The following PAN3 variants were observed in gnomAD, a reference collection of about 807,000 sequenced individuals.
The protein encoded by PAN3 is PAN2-PAN3 deadenylation complex subunit PAN3.
In PAN3, 19 loss-of-function variants were observed where a neutral mutation model predicts 96.2. The ratio of observed to expected loss-of-function variants is 0.20; its 90% CI spans 0.14 to 0.29. The LOEUF is 0.29. PAN3 is among the 10% of genes least tolerant of loss of function. PAN3 has a pLI of 1.00. For synonymous variants in PAN3, 433 were observed against 406.6 expected (o/e 1.06, Z -0.78); for missense variants, 882 against 1,108.1 (o/e 0.80, Z 2.90).
intron 3 of PAN3, among the ~76,000 whole-genome samples, chr13:28,177,478 C>G (rs543111786): frequency 3.4e-4 from 51 of 152,158 alleles, no homozygotes; most frequent in Non-Finnish European, 6.2e-4. Flanking sequence ...ATGGTTGACA[C>G]TGCCCCCACC....
intron 6 of PAN3, among the ~76,000 whole-genome samples, chr13:28,232,305 A>T (rs1882654337): frequency 6.6e-6 from 1 of 152,188 alleles, no homozygotes; most frequent in Admixed American, 6.5e-5. Context: ...ATAGTCTTTG[A>T]ATCCAAGGTT....
At chr13:28,144,391 A>G (rs1870312518) in intron 1 of PAN3, among the ~76,000 whole-genome samples, 1 of 150,944 alleles carries the variant, frequency 6.6e-6, no homozygotes, top group Non-Finnish European at 1.5e-5. Context: ...ATTTTTTTGT[A>G]TTTTTAGTAG....
At chr13:28,174,007 G>C (rs1199633865) in intron 1 of PAN3, among the ~76,000 whole-genome samples, 1 of 152,208 alleles carries the variant, frequency 6.6e-6, no homozygotes, top group Non-Finnish European at 1.5e-5. Flanking sequence ...GCAAGTGGTA[G>C]AAACTTAATC....
chr13:28,253,788 A>G (rs1884930917), intron 6 of PAN3, among the ~76,000 whole-genome samples: 1 of 152,058 alleles, frequency 6.6e-6, no homozygotes, highest in Non-Finnish European at 1.5e-5. Context: ...ATTTGAATGT[A>G]TTTAAGTAAC....
At chr13:28,157,598 T>C (rs1286858531) in intron 1 of PAN3, among the ~76,000 whole-genome samples, 1 of 152,094 alleles carries the variant, frequency 6.6e-6, no homozygotes, top group East Asian at 1.9e-4. Context: ...AAGAATGCAA[T>C]CCTATTCACA....
intron 5 of PAN3, among the ~76,000 whole-genome samples, chr13:28,198,307 C>G (rs1373121603): frequency 1.3e-5 from 2 of 151,254 alleles, no homozygotes; most frequent in Non-Finnish European, 2.9e-5. Flanking sequence ...AAAAAAGAGT[C>G]GTATAAAATT....
At chr13:28,253,647 C>G (rs1480201834) in intron 6 of PAN3, among the ~76,000 whole-genome samples, 2 of 149,876 alleles carry the variant, frequency 1.3e-5, no homozygotes, top group Non-Finnish European at 3.0e-5. Flanking sequence ...GTTACCCAGA[C>G]TGGAGCACAG....
chr13:28,219,637 A>G (rs563797217), intron 5 of PAN3, among the ~76,000 whole-genome samples: 3 of 152,362 alleles, frequency 2.0e-5, no homozygotes, highest in South Asian at 2.1e-4. Flanking sequence ...CTCATAGCCA[A>G]ATATTTTTCA....
chr13:28,266,356 G>A (rs1299864190), intron 9 of PAN3, among the ~76,000 whole-genome samples: 1 of 152,012 alleles, frequency 6.6e-6, no homozygotes, highest in Non-Finnish European at 1.5e-5. Context: ...AAAAATACAT[G>A]TTTTTTTATT....
chr13:28,238,069 A>C (rs187531246), intron 6 of PAN3, among the ~76,000 whole-genome samples: 69 of 152,360 alleles, frequency 4.5e-4, no homozygotes, highest in African/African-American at 1.7e-3. Context: ...AGGCATTTAC[A>C]AAACCCCGAG....
At chr13:28,140,999 G>T (rs1869698174) in intron 1 of PAN3, among the ~76,000 whole-genome samples, 2 of 117,486 alleles carry the variant, frequency 1.7e-5, no homozygotes, top group East Asian at 2.8e-4. Context: ...GACAGAAAGA[G>T]ACACTTTTTT....
chr13:28,191,305 C>G (rs1173704826), intron 4 of PAN3, among the ~76,000 whole-genome samples: 5 of 152,318 alleles, frequency 3.3e-5, no homozygotes, highest in Non-Finnish European at 5.9e-5. Flanking sequence ...GATGTTGCCA[C>G]AAGTAAGCTT....
Position 28,143,885 on chromosome 13 carries a change from C to T in PAN3, c.430+4798C>T, listed in dbSNP as rs368680860. ...ATGTAATGTGTAGCGTGTGGCAAAG[C>T]TGTTTTTGTTTAAGCCAAGACTAGC... On this transcript the variant is annotated intron_variant, in intron 1 of 18. Coordinates refer to ENST00000380958, the MANE Select transcript of PAN3 (RefSeq NM_175854.8). 3.3e-5 allele frequency among the ~76,000 whole-genome samples: 5 copies of T among 152,268 alleles called. No individual in the cohort carries two copies. In the East Asian group the frequency reaches 9.6e-4, roughly 29 times the overall value.
At chr13:28,254,900 T>C (rs1284162945) in intron 6 of PAN3, among the ~76,000 whole-genome samples, 1 of 152,140 alleles carries the variant, frequency 6.6e-6, no homozygotes, top group African/African-American at 2.4e-5. Context: ...TGTCCTGTGG[T>C]GTTTATAGCC....
At chr13:28,235,696 T>TACACAC (rs34812975) in intron 6 of PAN3, among the ~76,000 whole-genome samples, 10,446 of 140,568 alleles carry the variant, frequency 0.074, 583 homozygotes, top group African/African-American at 0.15. Context: ...CACACACACA[T>TACACAC]ACACACACAC....
At chr13:28,165,379 C>G (rs1873408346) in intron 1 of PAN3, among the ~76,000 whole-genome samples, 2 of 149,880 alleles carry the variant, frequency 1.3e-5, no homozygotes, top group Non-Finnish European at 3.0e-5. Context: ...CCTTAGCCTC[C>G]CCCAAAGTGC....
intron 5 of PAN3, among the ~76,000 whole-genome samples, chr13:28,208,229 C>CTGT (rs2138304579): frequency 6.6e-6 from 1 of 152,190 alleles, no homozygotes; most frequent in Non-Finnish European, 1.5e-5. Context: ...ATAGGTTTTA[C>CTGT]TGTTATATGG....
chr13:28,238,911 T>C (rs1034405367), intron 6 of PAN3, among the ~76,000 whole-genome samples: 19 of 152,182 alleles, frequency 1.2e-4, no homozygotes, highest in African/African-American at 4.3e-4. Context: ...CATGTTGATT[T>C]TTTTTTGGGT....
chr13:28,182,595 ATG>A (rs1875940978), intron 4 of PAN3, among the ~76,000 whole-genome samples: 1 of 152,142 alleles, frequency 6.6e-6, no homozygotes, highest in Admixed American at 6.6e-5. Flanking sequence ...TTGAAGTATC[ATG>A]TTTATCTCTT....
Sources: gnomAD v4.1 joint callset for allele counts (sites outside exome capture counted in the v4.1 genomes callset) on GRCh38, gnomAD v4.1.1 for gene constraint, MANE v1.5 for transcripts, NCBI Gene and HGNC (gene_info 2026-07-23, HGNC 2026-07-21) for gene names.